ANKRD55: variants seen among roughly 807,000 people sequenced by gnomAD.
ANKRD55 encodes ankyrin repeat domain 55.
ANKRD55 carries 41 observed loss-of-function variants against 60.6 expected under a neutral mutation model. The observed-to-expected ratio is 0.68, with a 90% CI of 0.53 to 0.88. ANKRD55 has a LOEUF of 0.88. Among genes scored for constraint, ANKRD55 ranks in the 40% least tolerant of loss-of-function variants. ANKRD55 has a pLI of 0.00. For synonymous variants in ANKRD55, 264 were observed against 290.3 expected, an observed-to-expected ratio of 0.91 and a Z score of 0.92; for missense variants, 732 against 767.6, an observed-to-expected ratio of 0.95 and a Z score of 0.55.
intron 2 of ANKRD55, among the ~76,000 whole-genome samples, chr5:56,209,642 T>G (rs1759611617): frequency 6.6e-6 from 1 of 151,804 alleles, no homozygotes; most frequent in African/African-American, 2.4e-5. Flanking sequence ...AATTTTTGTA[T>G]TTTTAGTAGA....
chr5:56,221,752 C>T (rs1759971701), intron 2 of ANKRD55, among the ~76,000 whole-genome samples: 1 of 152,228 alleles, frequency 6.6e-6, no homozygotes, highest in South Asian at 2.1e-4. Flanking sequence ...TCACTGCTAG[C>T]ACAGCAGTCT....
rs1031991207 is a variant in ANKRD55 at position 56,108,039 on chromosome 5, T to A, written c.1630+3079A>T. Among the ~76,000 whole-genome samples, 3 of 151,862 alleles carry A rather than the reference T, an allele frequency of 2.0e-5. No individual in the cohort carries two copies. In the South Asian group the frequency reaches 6.3e-4, roughly 32 times the overall value. Reference sequence around the variant, plus strand: ...CAAGTACCACTACTCCTGGCTAATTTTTTTTGTATTTTTTGTAGAGACGAA... The same window carrying A: ...CAAGTACCACTACTCCTGGCTAATTATTTTTGTATTTTTTGTAGAGACGAA... On this transcript the variant is annotated intron_variant, in intron 10 of 11. Coordinates refer to ENST00000341048, the MANE Select transcript of ANKRD55 (RefSeq NM_024669.3).
chr5:56,137,758 A>T (rs1184989996), intron 7 of ANKRD55, among the ~76,000 whole-genome samples: 1 of 152,188 alleles, frequency 6.6e-6, no homozygotes, highest in Non-Finnish European at 1.5e-5. Flanking sequence ...ACCTAGAAGA[A>T]AATATTTGTA....
intron 2 of ANKRD55, among the ~76,000 whole-genome samples, chr5:56,207,387 AT>A (rs1759538261): frequency 6.6e-6 from 1 of 152,216 alleles, no homozygotes; most frequent in Non-Finnish European, 1.5e-5. Context: ...AGTTACATGT[AT>A]TTTTTATTTA....
intron 6 of ANKRD55, among the ~76,000 whole-genome samples, chr5:56,152,309 A>G (rs1332365660): frequency 6.6e-6 from 1 of 151,816 alleles, no homozygotes; most frequent in Non-Finnish European, 1.5e-5. Context: ...AAAAGGTCAC[A>G]TCTGTTTTTG....
chr5:56,162,078 C>CT (rs1392226722), intron 5 of ANKRD55: 1 of 983,376 alleles, frequency 1.0e-6, no homozygotes, highest in African/African-American at 1.8e-5. Flanking sequence ...GTCTGAGGGA[C>CT]TGGGGGAGGA....
chr5:56,168,162 T>C (rs1219980419), intron 5 of ANKRD55, among the ~76,000 whole-genome samples: 1 of 152,212 alleles, frequency 6.6e-6, no homozygotes, highest in East Asian at 1.9e-4. Flanking sequence ...TGAGCAGAAA[T>C]GAATTGTGTC....
At chr5:56,202,809 G>C (rs180695266) in intron 2 of ANKRD55, among the ~76,000 whole-genome samples, 14 of 152,086 alleles carry the variant, frequency 9.2e-5, no homozygotes, top group Non-Finnish European at 1.3e-4. Context: ...GTGCTCTTGC[G>C]GGGGTAGGTT....
intron 6 of ANKRD55, among the ~76,000 whole-genome samples, chr5:56,146,277 T>C (rs1203242824): frequency 6.6e-6 from 1 of 151,554 alleles, no homozygotes. Flanking sequence ...TGACTTACTA[T>C]GCTCCACTGA....
rs572496757 is a variant in ANKRD55, at chr5:56,127,404, C to T, written c.613-298G>A. The T allele has an allele frequency of 8.1e-6, 8 of 984,768 alleles. No individual in the cohort carries two copies. In the African/African-American group the frequency reaches 1.0e-4, roughly 13 times the overall value. The allele number at this position is 984,768 out of a possible 1,614,324, so 61.0% of individuals were successfully genotyped here. On this transcript the variant is annotated intron_variant, in intron 7 of 11. Transcript: ENST00000341048. ...ATTAAATACAGGTGCAATGGACTGA[C>T]GTCAGAGCTAGAGTGATCGGTGGGC...
At chr5:56,222,959 C>G (rs1760006822) in intron 2 of ANKRD55, among the ~76,000 whole-genome samples, 2 of 152,246 alleles carry the variant, frequency 1.3e-5, no homozygotes, top group South Asian at 4.1e-4. Flanking sequence ...ACGTCCCCAA[C>G]CTAGGAAGGC....
At chr5:56,113,107 TCTC>T (rs1257189710) in intron 9 of ANKRD55, among the ~76,000 whole-genome samples, 1 of 152,204 alleles carries the variant, frequency 6.6e-6, no homozygotes, top group Non-Finnish European at 1.5e-5. Context: ...GTGTAAGCCA[TCTC>T]CTCCTCCTGT....
intron 2 of ANKRD55, among the ~76,000 whole-genome samples, chr5:56,221,905 C>A (rs746699431): frequency 6.6e-6 from 1 of 152,262 alleles, no homozygotes; most frequent in Non-Finnish European, 1.5e-5. Flanking sequence ...CCTCTGTAGA[C>A]TCCACCTCTG....
intron 2 of ANKRD55, among the ~76,000 whole-genome samples, chr5:56,215,523 G>A (rs190273426): frequency 3.9e-4 from 59 of 152,316 alleles, no homozygotes; most frequent in African/African-American, 1.3e-3. Context: ...AGAGGGAGTC[G>A]GGCACTCTGC....
intron 9 of ANKRD55, among the ~76,000 whole-genome samples, chr5:56,112,518 A>AAACAAAAAAAAAAAAAC (rs1756762018): frequency 6.7e-6 from 1 of 149,886 alleles, no homozygotes; most frequent in African/African-American, 2.5e-5. Flanking sequence ...AAAAAAAAAA[A>AAACAAAAAAAAAAAAAC]AAAACAACCA....
intron 2 of ANKRD55, among the ~76,000 whole-genome samples, chr5:56,211,311 C>T (rs1372494767): frequency 6.6e-6 from 1 of 152,204 alleles, no homozygotes; most frequent in Non-Finnish European, 1.5e-5. Context: ...GAGTAACAGT[C>T]TTAATGATGG....
intron 8 of ANKRD55, among the ~76,000 whole-genome samples, chr5:56,121,828 G>C (rs940766809): frequency 3.3e-5 from 5 of 152,116 alleles, no homozygotes; most frequent in Admixed American, 6.5e-5. Flanking sequence ...TTGTACCAAA[G>C]ACAAAATAAT....
chr5:56,213,380 C>A (rs1388395327), intron 2 of ANKRD55, among the ~76,000 whole-genome samples: 2 of 151,982 alleles, frequency 1.3e-5, no homozygotes, highest in Non-Finnish European at 2.9e-5. Context: ...GGGAATTGGA[C>A]CACTGAAGGT....
intron 3 of ANKRD55, among the ~76,000 whole-genome samples, chr5:56,181,366 C>A (rs949017881): frequency 1.3e-5 from 2 of 151,942 alleles, no homozygotes; most frequent in African/African-American, 4.8e-5. Flanking sequence ...TGATACTCTT[C>A]CTTATGTTGA....
Sources: allele counts gnomAD v4.1 joint callset (sites outside exome capture counted in the v4.1 genomes callset), GRCh38; gene constraint gnomAD v4.1.1; transcripts MANE v1.5; gene names NCBI Gene and HGNC (gene_info 2026-07-23, HGNC 2026-07-21).